Variants in PRKAG2 observed in about 807,000 individuals in gnomAD.
PRKAG2 encodes the protein 5'-AMP-activated protein kinase subunit gamma-2.
A neutral mutation model predicts 69.6 loss-of-function variants in PRKAG2; 26 were observed. That is an observed-to-expected ratio of 0.37 (90% CI 0.27 to 0.52). The LOEUF (loss-of-function observed/expected upper bound fraction) is 0.52, where lower values mean the gene tolerates loss of function less well. Ranked by LOEUF, PRKAG2 falls within the 20% of genes least tolerant of loss-of-function variation. The pLI is 0.90. For missense variants in PRKAG2, 557 were observed against 740.0 expected (o/e 0.75, Z 2.87); for synonymous variants, 293 against 285.0 (o/e 1.03, Z -0.28).
chr7:151,862,485 C>T (rs1280664121), intron 1 of PRKAG2, among the ~76,000 whole-genome samples: 1 of 152,146 alleles, frequency 6.6e-6, no homozygotes, highest in Non-Finnish European at 1.5e-5. Context: ...CAAAGACGGC[C>T]CCCATTTTCT....
intron 3 of PRKAG2, among the ~76,000 whole-genome samples, chr7:151,745,048 G>A (rs377261611): frequency 4.6e-5 from 7 of 152,180 alleles, no homozygotes; most frequent in African/African-American, 1.4e-4. Flanking sequence ...GGTCGACACT[G>A]GCTCTGCTGG....
At chr7:151,875,448 G>T (rs1004279414) in intron 1 of PRKAG2, among the ~76,000 whole-genome samples, 1 of 152,344 alleles carries the variant, frequency 6.6e-6, no homozygotes, top group African/African-American at 2.4e-5. Flanking sequence ...CATGCCAGCT[G>T]CGCCTGACCC....
chr7:151,728,177 G>T (rs922622573), intron 3 of PRKAG2, among the ~76,000 whole-genome samples: 3 of 152,148 alleles, frequency 2.0e-5, no homozygotes, highest in East Asian at 3.9e-4. Flanking sequence ...AGTCCCCAGG[G>T]CCCCAAGAAC....
At position 151,850,258 on chromosome 7, in the gene PRKAG2, G is replaced by C. The variant is rs1401952737; in HGVS notation, c.114+26249C>G. Among the ~76,000 whole-genome samples, 1 of 152,244 alleles carries C rather than the reference G, an allele frequency of 6.6e-6. No individual in the cohort carries two copies. The highest frequency in any genetic ancestry group is 1.5e-5 in the Non-Finnish European group (1 of 68,044). On this transcript the variant is annotated intron_variant, in intron 1 of 15. Transcript: ENST00000287878. This position sits in a 1 kb window ranked among gnomAD's most constrained non-coding sequence, Gnocchi z 4.1. ...GGGTGGGCCCAGGAGAAACCTGGAG[G>C]TACAGTCCCCTCACCTAGAACGCTT...
chr7:151,603,618 C>T (rs1157415609), intron 5 of PRKAG2, among the ~76,000 whole-genome samples: 1 of 150,906 alleles, frequency 6.6e-6, no homozygotes, highest in African/African-American at 2.4e-5. Flanking sequence ...CCGTCCTCAC[C>T]GCACACGGAG....
chr7:151,817,617 G>A (rs2078675695), intron 1 of PRKAG2, among the ~76,000 whole-genome samples: 1 of 152,178 alleles, frequency 6.6e-6, no homozygotes. Context: ...GCCTAGCCCT[G>A]CCCCTAAAGC....
rs549409020 is a variant in PRKAG2 at position 151,606,557 on chromosome 7, C to T, written c.755-11103G>A. 4.6e-5 allele frequency among the ~76,000 whole-genome samples: 7 copies of T among 152,312 alleles called. No individual in the cohort carries two copies. In the South Asian group the frequency reaches 6.2e-4, roughly 14 times the overall value. On this transcript the variant is annotated intron_variant, in intron 5 of 15. Coordinates refer to ENST00000287878, the MANE Select transcript of PRKAG2 (RefSeq NM_016203.4). Reference sequence around the variant, plus strand: ...TTCCTTGGCCGCGTGCGGTGGCTCACGCCTGTAATCCCAGCATTTTGGGAG... The same window carrying T: ...TTCCTTGGCCGCGTGCGGTGGCTCATGCCTGTAATCCCAGCATTTTGGGAG...
chr7:151,643,510 A>G (rs1481271720), intron 4 of PRKAG2, among the ~76,000 whole-genome samples: 2 of 152,232 alleles, frequency 1.3e-5, no homozygotes, highest in Non-Finnish European at 2.9e-5. Flanking sequence ...GAAAAATTAC[A>G]AACATGATTG....
intron 1 of PRKAG2, among the ~76,000 whole-genome samples, chr7:151,863,417 T>A (rs1315120307): frequency 6.6e-6 from 1 of 152,102 alleles, no homozygotes; most frequent in East Asian, 1.9e-4. Context: ...TGAAGGGTCA[T>A]CCCAGTTCCA....
At chr7:151,831,887 C>T (rs1323205794) in intron 1 of PRKAG2, among the ~76,000 whole-genome samples, 2 of 152,156 alleles carry the variant, frequency 1.3e-5, no homozygotes, top group Non-Finnish European at 2.9e-5. Context: ...GAGTGGGGAG[C>T]AGAGGACACT....
chr7:151,855,453 A>G (rs879089154), intron 1 of PRKAG2, among the ~76,000 whole-genome samples: 106 of 5,738 alleles, frequency 0.018, no homozygotes, highest in African/African-American at 0.021. Context: ...CACACACACC[A>G]TCCTCCACAC....
Position 151,781,419 on chromosome 7 carries a change from A to G in PRKAG2, c.199T>C (p.Phe67Leu), listed in dbSNP as rs1283611519. 1 of 1,607,476 alleles carries G rather than the reference A, an allele frequency of 6.2e-7. No homozygotes were observed. The highest frequency in any genetic ancestry group is 1.3e-5 in the African/African-American group (1 of 74,946). Reference protein sequence around the residue: ...KHSSRKVDSPFGPGSPSKGFF... With the variant: ...KHSSRKVDSPLGPGSPSKGFF... Reference sequence around the variant, plus strand: ...CCTTTGGAGGGGCTGCCCGGGCCGAAGGGGCTGTCCACCTGCAGAAAAACA... The same window carrying G: ...CCTTTGGAGGGGCTGCCCGGGCCGAGGGGGCTGTCCACCTGCAGAAAAACA... Residue 67 changes from phenylalanine (F) to leucine (L), a missense_variant, in exon 3 of 16, where the codon TTC becomes CTC. Phe to Leu is a conservative substitution (Grantham distance 22, BLOSUM62 0). Coordinates refer to ENST00000287878, the MANE Select transcript of PRKAG2 (RefSeq NM_016203.4). This position sits in a 1 kb window ranked among gnomAD's most constrained non-coding sequence, Gnocchi z 6.1.
At chr7:151,649,272 C>G (rs1021109100) in intron 4 of PRKAG2, among the ~76,000 whole-genome samples, 2 of 152,060 alleles carry the variant, frequency 1.3e-5, no homozygotes, top group Non-Finnish European at 2.9e-5. Flanking sequence ...ATTGCAGGCA[C>G]CTACCACCAC....
chr7:151,701,775 G>C (rs1197474415), intron 3 of PRKAG2, among the ~76,000 whole-genome samples: 1 of 151,466 alleles, frequency 6.6e-6, no homozygotes, highest in Admixed American at 6.6e-5. Flanking sequence ...CCCGTGAAGC[G>C]GGGGTTGCAG....
At chr7:151,818,647 T>C (rs1407622886) in intron 1 of PRKAG2, among the ~76,000 whole-genome samples, 2 of 152,172 alleles carry the variant, frequency 1.3e-5, no homozygotes, top group Non-Finnish European at 2.9e-5. Flanking sequence ...CTGCCCTCAC[T>C]GTCCTGCAAG....
At chr7:151,820,966 C>T (rs184129550) in intron 1 of PRKAG2, among the ~76,000 whole-genome samples, 72 of 74,092 alleles carry the variant, frequency 9.7e-4, no homozygotes, top group Non-Finnish European at 1.5e-3. Context: ...CAGCCAGGTA[C>T]CTGCCTCATG....
intron 1 of PRKAG2, among the ~76,000 whole-genome samples, chr7:151,812,903 G>A (rs7455163): frequency 0.36 from 54,867 of 150,848 alleles, 10,236 homozygotes; most frequent in South Asian, 0.57. Context: ...CATTATAAGC[G>A]TGTGTCTCTC....
In PRKAG2 at chr7:151,719,051, T is replaced by G. The variant is rs1221001014; in HGVS notation, c.467-43414A>C. 6.6e-6 allele frequency among the ~76,000 whole-genome samples: 1 copy of G among 152,130 alleles called. No individual in the cohort carries two copies. Among genetic ancestry groups the G allele is most frequent in the African/African-American group, 2.4e-5 (1 of 41,440 alleles). ...CACCCACAAACATTCATTAAGCCCC[T>G]GATAAGTACAAGGCCCCGAACTCAG... is the stretch of plus-strand genomic sequence containing the variant. On this transcript the variant is annotated intron_variant, in intron 3 of 15. Coordinates refer to ENST00000287878, the MANE Select transcript of PRKAG2 (RefSeq NM_016203.4). This position sits in a 1 kb window ranked among gnomAD's most constrained non-coding sequence, Gnocchi z 5.2.
Position 151,780,417 on chromosome 7 carries a change from CA to C in PRKAG2, c.466+734del. On this transcript the variant is annotated intron_variant, in intron 3 of 15. Transcript: ENST00000287878. The surrounding 1 kb of genome is among the most constrained non-coding windows in gnomAD (Gnocchi z 4.2). ...TTGTTTTCCACATCACTATCTTCCCCAATACAAATGTTCTAAGTCAGTAGAA... is the reference window on the plus strand; with the variant it reads ...TTGTTTTCCACATCACTATCTTCCCCATACAAATGTTCTAAGTCAGTAGAA... Among the ~76,000 whole-genome samples, 1 of 152,282 alleles carries C rather than the reference CA, an allele frequency of 6.6e-6. No homozygotes were observed. The highest frequency in any genetic ancestry group is 3.4e-3 in the Middle Eastern group (1 of 294).
Sources: allele counts gnomAD v4.1 joint callset (sites outside exome capture counted in the v4.1 genomes callset), GRCh38; gene constraint gnomAD v4.1.1; non-coding constraint Gnocchi (gnomAD v3.1); transcripts MANE v1.5; gene names NCBI Gene and HGNC (gene_info 2026-07-23, HGNC 2026-07-21).